Variants in PPM1H observed in about 807,000 individuals in gnomAD.
PPM1H encodes the protein protein phosphatase, Mg2+/Mn2+ dependent 1H, also known as protein phosphatase 1H.
A neutral mutation model predicts 54.9 loss-of-function variants in PPM1H; 27 were observed. The observed-to-expected ratio is 0.49, with a 90% CI of 0.36 to 0.68. The LOEUF is 0.68. PPM1H is among the 30% of genes least tolerant of loss of function. The pLI, the probability that PPM1H is intolerant of heterozygous loss-of-function variation, is 0.00. For synonymous variants in PPM1H, 305 were observed against 270.8 expected, an observed-to-expected ratio of 1.13 and a Z score of -1.24; for missense variants, 596 against 667.8, an observed-to-expected ratio of 0.89 and a Z score of 1.19.
At chr12:62,930,423 G>A (rs1397791287) in intron 1 of PPM1H, among the ~76,000 whole-genome samples, 1 of 152,182 alleles carries the variant, frequency 6.6e-6, no homozygotes, top group African/African-American at 2.4e-5. Context: ...GTAAACAAAT[G>A]TATCACTGAT....
chr12:62,829,847 T>C (rs377621394), intron 2 of PPM1H, among the ~76,000 whole-genome samples: 9 of 152,340 alleles, frequency 5.9e-5, no homozygotes, highest in Admixed American at 2.0e-4. Flanking sequence ...GGGCCATATG[T>C]CAACACTGAC....
At chr12:62,734,426 A>G (rs554852359) in intron 5 of PPM1H, among the ~76,000 whole-genome samples, 75 of 152,352 alleles carry the variant, frequency 4.9e-4, no homozygotes, top group Non-Finnish European at 9.4e-4. Context: ...TAGTCCTTAC[A>G]CAGACTTCTG....
At chr12:62,710,551 A>AG (rs1163348592) in intron 6 of PPM1H, among the ~76,000 whole-genome samples, 1 of 151,496 alleles carries the variant, frequency 6.6e-6, no homozygotes, top group Non-Finnish European at 1.5e-5. Flanking sequence ...AAAAAAAAAA[A>AG]AAAAGTCCCC....
At chr12:62,798,840 C>A (rs916757473) in intron 3 of PPM1H, among the ~76,000 whole-genome samples, 1 of 152,186 alleles carries the variant, frequency 6.6e-6, no homozygotes, top group Non-Finnish European at 1.5e-5. Flanking sequence ...ATTCTCCCAA[C>A]CCTGCCCTGC....
chr12:62,816,092 A>T (rs1402058707), intron 2 of PPM1H, among the ~76,000 whole-genome samples: 3 of 152,162 alleles, frequency 2.0e-5, no homozygotes, highest in Non-Finnish European at 2.9e-5. Flanking sequence ...CAACATTAGG[A>T]GTTATTCTTC....
intron 8 of PPM1H, among the ~76,000 whole-genome samples, chr12:62,667,694 G>A (rs1241877792): frequency 6.6e-6 from 1 of 152,310 alleles, no homozygotes; most frequent in East Asian, 1.9e-4. Context: ...CTTCCTTTGC[G>A]TATTCATTCA....
At chr12:62,767,036 T>A (rs973700747) in intron 4 of PPM1H, among the ~76,000 whole-genome samples, 1 of 152,028 alleles carries the variant, frequency 6.6e-6, no homozygotes, top group Non-Finnish European at 1.5e-5. Context: ...AATGATCAAG[T>A]GTGAGGGAAG....
At position 62,737,968 on chromosome 12, in the gene PPM1H, T is replaced by C. The variant is rs184964792; in HGVS notation, c.870-382A>G. ...CGAATAGCACCTTTTGTGATCATGG[T>C]AATGTTTTTGTTTGTGCAGTCCAAT... is the stretch of plus-strand genomic sequence containing the variant. On this transcript the variant is annotated intron_variant, in intron 4 of 9. Transcript: ENST00000228705. Among the ~76,000 whole-genome samples, 675 of 152,316 alleles carry C rather than the reference T, an allele frequency of 4.4e-3. 6 individuals carry two copies. Among genetic ancestry groups the C allele is most frequent in the Non-Finnish European group, 3.6e-3 (243 of 68,030 alleles).
chr12:62,742,087 G>C (rs1175952126), intron 4 of PPM1H, among the ~76,000 whole-genome samples: 2 of 151,574 alleles, frequency 1.3e-5, no homozygotes, highest in Non-Finnish European at 1.5e-5. Flanking sequence ...AGGCAGGGAG[G>C]GGGCAGCAAT....
chr12:62,694,108 C>T, intron 6 of PPM1H, 109 bp from the exon 7 acceptor site: 1 of 899,042 alleles, frequency 1.1e-6, no homozygotes, highest in Non-Finnish European at 1.8e-6. Context: ...CATCCACTCA[C>T]CACACTGACT....
chr12:62,792,612 C>T (rs930195848), intron 3 of PPM1H, among the ~76,000 whole-genome samples: 3 of 152,172 alleles, frequency 2.0e-5, no homozygotes, highest in Non-Finnish European at 4.4e-5. Flanking sequence ...GACGTGTTTC[C>T]ATAGACTTCA....
chr12:62,667,087 A>C, intron 9 of PPM1H, 91 bp downstream of exon 9: 7 of 1,396,182 alleles, frequency 5.0e-6, no homozygotes, highest in Non-Finnish European at 6.9e-6. Context: ...CCTCTAAGTC[A>C]TGAATTATGA....
intron 1 of PPM1H, among the ~76,000 whole-genome samples, chr12:62,841,737 C>T (rs1158577064): frequency 6.6e-6 from 1 of 152,170 alleles, no homozygotes; most frequent in African/African-American, 2.4e-5. Context: ...ATACACTTTG[C>T]TTTACCATTT....
rs141643153 is a variant in PPM1H, at chr12:62,811,242, A to C, written c.412-9082T>G. Among the ~76,000 whole-genome samples the C allele has an allele frequency of 9.7e-4, 148 of 152,348 alleles. 1 individual carries two copies. In the East Asian group the frequency reaches 0.02, roughly 21 times the overall value. ...CACGCATTAAAATTCATACAACTGT[A>C]TACCAAAAGGAAAAAGTTAATTGTA... On this transcript the variant is annotated intron_variant, in intron 2 of 9. Coordinates refer to ENST00000228705, the MANE Select transcript of PPM1H (RefSeq NM_020700.2).
chr12:62,742,099 G>A (rs554898042), intron 4 of PPM1H, among the ~76,000 whole-genome samples: 7 of 151,938 alleles, frequency 4.6e-5, no homozygotes, highest in Admixed American at 4.6e-4. Context: ...GGCAGCAATG[G>A]TAGCAGCTCA....
At chr12:62,819,130 C>CTTT (rs34661742) in intron 2 of PPM1H, among the ~76,000 whole-genome samples, 2 of 113,836 alleles carry the variant, frequency 1.8e-5, no homozygotes, top group African/African-American at 3.5e-5. Flanking sequence ...CAAAACATTG[C>CTTT]TTTTTTTTTT....
At chr12:62,809,841 T>G (rs923235193) in intron 2 of PPM1H, among the ~76,000 whole-genome samples, 2 of 152,182 alleles carry the variant, frequency 1.3e-5, no homozygotes, top group African/African-American at 2.4e-5. Flanking sequence ...TTTCCTCTCT[T>G]CTAACTCTCA....
chr12:62,814,651 C>T (rs2120788933), intron 2 of PPM1H, among the ~76,000 whole-genome samples: 1 of 152,306 alleles, frequency 6.6e-6, no homozygotes, highest in Non-Finnish European at 1.5e-5. Flanking sequence ...CTTTGCCACC[C>T]TAACTATTCA....
chr12:62,659,439 C>T (rs2075869888), intron 9 of PPM1H, among the ~76,000 whole-genome samples: 1 of 152,186 alleles, frequency 6.6e-6, no homozygotes, highest in East Asian at 1.9e-4. Context: ...TTACTCCCAT[C>T]TCTGCCTGAG....
Sources: gnomAD v4.1 joint callset for allele counts (sites outside exome capture counted in the v4.1 genomes callset) on GRCh38, gnomAD v4.1.1 for gene constraint, MANE v1.5 for transcripts, NCBI Gene and HGNC (gene_info 2026-07-23, HGNC 2026-07-21) for gene names.